Variants in ZNF732 observed in about 807,000 individuals in gnomAD.
ZNF732 encodes zinc finger protein LOC654254.
ZNF732 carries 12 observed loss-of-function variants against 11.5 expected under a neutral mutation model. The observed-to-expected ratio is 1.05, with a 90% CI of 0.67 to 1.70. The LOEUF (loss-of-function observed/expected upper bound fraction) is 1.70, where lower values mean the gene tolerates loss of function less well. Ranked by LOEUF, ZNF732 falls within the 40% of genes most tolerant of loss-of-function variation. ZNF732 has a pLI of 0.00. For synonymous variants in ZNF732, 231 were observed against 236.5 expected, an observed-to-expected ratio of 0.98 and a Z score of 0.21; for missense variants, 702 against 676.9, an observed-to-expected ratio of 1.04 and a Z score of -0.41.
chr4:271,906 C>T lies in ZNF732; in HGVS notation c.951G>A (p.Arg317=), dbSNP rs1553837661. ...KCQECGKVFN[R]STTLTKHNRI... ...TGTTATGTTTAGTAAGGGTTGTGGA[C>T]CTATTAAAGACTTTGCCACATTCCT... The change falls in exon 4 of 4, where the codon AGG becomes AGA. Residue 317 remains arginine (R), a synonymous_variant. Coordinates refer to ENST00000419098, the MANE Select transcript of ZNF732 (RefSeq NM_001137608.3). The T allele has an allele frequency of 6.2e-7, 1 of 1,612,002 alleles. No individual in the cohort carries two copies. The highest frequency in any genetic ancestry group is 1.1e-5 in the South Asian group (1 of 90,916).
chr4:285,844 G>A (rs1719719334), intron 3 of ZNF732, among the ~76,000 whole-genome samples: 1 of 152,140 alleles, frequency 6.6e-6, no homozygotes, highest in Non-Finnish European at 1.5e-5. Flanking sequence ...GGGTTCAAGC[G>A]ATCCTTCTGC....
chr4:271,830 A>C lies in ZNF732; in HGVS notation c.1027T>G (p.Phe343Val), dbSNP rs1553837608. Residue 343 changes from phenylalanine (F) to valine (V), a missense_variant, in exon 4 of 4, where the codon TTT (phenylalanine) becomes GTT (valine). Physicochemically the swap from Phe to Val is conservative, Grantham distance 50. This residue lies in a region of ZNF732 where 596 missense variants were observed against 557.9 expected (regional missense o/e 1.07). Coordinates refer to ENST00000419098, the MANE Select transcript of ZNF732 (RefSeq NM_001137608.3). ...PYTCEECGKA[F>V]SRSSVLNEHK... ...TCATTCAGAACTGAGGACCTACTAA[A>C]GGCTTTGCCACATTCTTCACATGTG... The C allele has an allele frequency of 6.2e-7, 1 of 1,613,610 alleles. No homozygotes were observed. The highest frequency in any genetic ancestry group is 8.5e-7 in the Non-Finnish European group (1 of 1,179,836).
At position 304,763 on chromosome 4, in the gene ZNF732, G is replaced by A. The variant is rs139893960; in HGVS notation, c.3+545C>T. ...GCCACTCAGGAACAGCCACGCGGAG[G>A]AGGCGCACAGGGCAAGGGGACTGGT... On this transcript the variant is annotated intron_variant, in intron 1 of 3. Transcript: ENST00000419098. 3.8e-3 allele frequency among the ~76,000 whole-genome samples: 585 copies of A among 152,372 alleles called. 4 individuals are homozygous for A. The highest frequency in any genetic ancestry group is 0.013 in the African/African-American group (561 of 41,596).
Position 271,574 on chromosome 4 carries a change from C to T in ZNF732, c.1283G>A (p.Gly428Glu), listed in dbSNP as rs782175929. ...ATGTTTATTCAGGTCTGTGGACCAT[C>T]CAAAGGCTTTGCCACACTCTTCACA... ...HKCEECGKAF[G>E]WSTDLNKHKI... The change falls in exon 4 of 4, where the codon GGA becomes GAA. Residue 428 changes from glycine to glutamate, a missense_variant. By Grantham distance (98) the Gly-to-Glu change is moderately conservative. Transcript: ENST00000419098. 1.6e-5 allele frequency: 25 copies of T among 1,611,818 alleles called. No homozygotes were observed. Among genetic ancestry groups the T allele is most frequent in the Non-Finnish European group, 2.0e-5 (24 of 1,179,124 alleles).
At chr4:276,051 T>C (rs1389095226) in intron 3 of ZNF732, among the ~76,000 whole-genome samples, 1 of 151,680 alleles carries the variant, frequency 6.6e-6, no homozygotes, top group Non-Finnish European at 1.5e-5. Flanking sequence ...GAAAACAATA[T>C]ATAAAAGAGA....
At chr4:296,218 G>C (rs900371074) in intron 1 of ZNF732, 63 bp from the exon 2 acceptor site, 1 of 1,585,228 alleles carries the variant, frequency 6.3e-7, no homozygotes, top group Non-Finnish European at 8.6e-7. Flanking sequence ...AATGAGTTAA[G>C]AGAACTAGTT....
rs151054430 is a variant in ZNF732, at chr4:272,708, T to C, written c.227-78A>G. 962 of 1,280,666 alleles carry C rather than the reference T, an allele frequency of 7.5e-4. 9 individuals are homozygous for C. The African/African-American group carries it at 0.013, about 17-fold the overall frequency. 79.3% of individuals were successfully genotyped at this position (1,280,666 alleles called of 1,614,324 possible). On this transcript the variant is annotated intron_variant, in intron 3 of 3. Transcript: ENST00000419098. ...TTTAAAAATCTAATATATAAACTTA[T>C]ACAAAGTACATTAGTAAGATGGCAT...
rs1560165250 is a variant in ZNF732 at position 299,450 on chromosome 4, T to TAC, written c.4-3297_4-3296dup. Among the ~76,000 whole-genome samples the TAC allele has an allele frequency of 6.5e-3, 471 of 72,714 alleles. 62 individuals are homozygous for TAC. Among genetic ancestry groups the TAC allele is most frequent in the African/African-American group, 0.016 (343 of 21,950 alleles). 47.7% of individuals were successfully genotyped at this position (72,714 alleles called of 152,430 possible). On this transcript the variant is annotated intron_variant, in intron 1 of 3. Coordinates refer to ENST00000419098, the MANE Select transcript of ZNF732 (RefSeq NM_001137608.3). ...ACACATATGTGTATATATATATATATACACATATGTGTATATATATATACA... is the reference window on the plus strand; with the variant it reads ...ACACATATGTGTATATATATATATATACACACATATGTGTATATATATATACA...
In ZNF732 at chr4:271,095, A is replaced by G; in HGVS notation, c.*4T>C. The G allele has an allele frequency of 6.7e-7, 1 of 1,503,328 alleles. No homozygotes were observed. Among genetic ancestry groups the G allele is most frequent in the Non-Finnish European group, 8.8e-7 (1 of 1,130,138 alleles). 93.1% of individuals were successfully genotyped at this position (1,503,328 alleles called of 1,614,324 possible). ...CCAAAGGCTTTGCCACATTCTTCAT[A>G]TTTCTAGAGTTTCTCTCCAGTATAA... On this transcript the variant is annotated 3_prime_UTR_variant, in exon 4 of 4. Coordinates refer to ENST00000419098, the MANE Select transcript of ZNF732 (RefSeq NM_001137608.3).
intron 3 of ZNF732, among the ~76,000 whole-genome samples, chr4:279,023 AC>A (rs1292810103): frequency 6.6e-6 from 1 of 152,052 alleles, no homozygotes; most frequent in Non-Finnish European, 1.5e-5. Context: ...AAGGTTGTTT[AC>A]CCTTAAAGAT....
chr4:301,259 C>T (rs1419015683), intron 1 of ZNF732, among the ~76,000 whole-genome samples: 2 of 152,188 alleles, frequency 1.3e-5, no homozygotes, highest in Admixed American at 6.5e-5. Flanking sequence ...AACACTTTTA[C>T]ACTGTTGGTG....
Position 301,935 on chromosome 4 carries a change from C to G in ZNF732, c.3+3373G>C, listed in dbSNP as rs541512478. 5.3e-5 allele frequency among the ~76,000 whole-genome samples: 8 copies of G among 152,256 alleles called. No homozygotes were observed. In the East Asian group the frequency reaches 1.4e-3, roughly 26 times the overall value. ...GTTTAATCAATGCACATGTGTGATC[C>G]TGATTGGGATTATGGGCCCCATGAT... On this transcript the variant is annotated intron_variant, in intron 1 of 3. Transcript: ENST00000419098.
At chr4:297,277 A>T (rs1359487376) in intron 1 of ZNF732, among the ~76,000 whole-genome samples, 26 of 151,986 alleles carry the variant, frequency 1.7e-4, no homozygotes, top group Admixed American at 1.6e-3. Context: ...AAAAAAAAAA[A>T]ACAACAAAAA....
chr4:302,379 A>T (rs1210343293), intron 1 of ZNF732, among the ~76,000 whole-genome samples: 2 of 152,204 alleles, frequency 1.3e-5, no homozygotes, highest in Non-Finnish European at 2.9e-5. Flanking sequence ...CTACTAAGAG[A>T]CTACAAACAC....
At chr4:274,384 T>C (rs1719450879) in intron 3 of ZNF732, among the ~76,000 whole-genome samples, 2 of 151,044 alleles carry the variant, frequency 1.3e-5, no homozygotes, top group African/African-American at 4.8e-5. Context: ...AGTATCTGTA[T>C]AGATACACCA....
rs562013838 is a variant in ZNF732, at chr4:270,734, G to A, written c.*365C>T. ...TCATGTTTATTTATGGGTGAGGACC[G>A]TTTATAGGCTTTCCCACATTCTTTA... is the stretch of plus-strand genomic sequence containing the variant. On this transcript the variant is annotated 3_prime_UTR_variant, in exon 4 of 4. Transcript: ENST00000419098. 4.6e-5 allele frequency: 20 copies of A among 439,334 alleles called. No individual in the cohort carries two copies. The highest frequency in any genetic ancestry group is 3.1e-4 in the East Asian group (6 of 19,086). 27.2% of individuals were successfully genotyped at this position (439,334 alleles called of 1,614,324 possible). A position where few individuals can be genotyped will look rare whatever the true frequency, so the allele number is the denominator to read the frequency against.
At chr4:287,219 C>CTT (rs139873066) in intron 3 of ZNF732, among the ~76,000 whole-genome samples, 7 of 144,636 alleles carry the variant, frequency 4.8e-5, no homozygotes, top group Admixed American at 2.1e-4. Context: ...ACTTAACATA[C>CTT]TTTTTTTTTT....
At chr4:299,400 TGTGTATATATATATACACATATATACAC>T (rs1720038805) in intron 1 of ZNF732, among the ~76,000 whole-genome samples, 1 of 41,464 alleles carries the variant, frequency 2.4e-5, no homozygotes, top group Non-Finnish European at 7.1e-5. Flanking sequence ...TGTACACATA[TGTGTATATATATATACACATATATACAC>T]ATATGTGTAT....
intron 3 of ZNF732, among the ~76,000 whole-genome samples, chr4:293,583 G>C (rs1035381394): frequency 6.6e-6 from 1 of 151,946 alleles, no homozygotes; most frequent in Non-Finnish European, 1.5e-5. Flanking sequence ...GTTATAAATT[G>C]AGTAAGTCTG....
Sources: gnomAD v4.1 joint callset for allele counts (sites outside exome capture counted in the v4.1 genomes callset) on GRCh38, gnomAD v4.1.1 for gene constraint, gnomAD v4.1.1 regional missense constraint, MANE v1.5 for transcripts, NCBI Gene and HGNC (gene_info 2026-07-23, HGNC 2026-07-21) for gene names.